Variants in ITPR2 observed in about 807,000 individuals in gnomAD.
The protein encoded by ITPR2 is inositol 1,4,5-trisphosphate-gated calcium channel ITPR2.
In ITPR2, 207 loss-of-function variants were observed where a neutral mutation model predicts 317.1. The observed-to-expected ratio is 0.65, with a 90% CI of 0.58 to 0.73. The LOEUF is 0.73. Among genes scored for constraint, ITPR2 ranks in the 30% least tolerant of loss-of-function variants. The pLI is 0.00. For missense variants in ITPR2, 2,613 were observed against 3,284.0 expected (o/e 0.80, Z 4.99); for synonymous variants, 1,156 against 1,149.1 (o/e 1.01, Z -0.12).
intron 53 of ITPR2, among the ~76,000 whole-genome samples, chr12:26,399,303 T>C (rs1203171013): frequency 6.6e-6 from 1 of 152,222 alleles, no homozygotes; most frequent in African/African-American, 2.4e-5. Flanking sequence ...GAAAGGACTT[T>C]ATTATGCCAT....
intron 55 of ITPR2, among the ~76,000 whole-genome samples, chr12:26,374,011 T>C (rs561854530): frequency 4.8e-4 from 73 of 152,322 alleles, no homozygotes; most frequent in Non-Finnish European, 9.1e-4. Flanking sequence ...TGACTCAGAA[T>C]TAGCTCCTAC....
At chr12:26,622,831 A>G (rs1462408883) in intron 24 of ITPR2, among the ~76,000 whole-genome samples, 1 of 152,220 alleles carries the variant, frequency 6.6e-6, no homozygotes, top group Non-Finnish European at 1.5e-5. Flanking sequence ...GCCAGCGCAC[A>G]TGTGCGTGAA....
At chr12:26,588,913 A>AT (rs1268483906) in intron 32 of ITPR2, among the ~76,000 whole-genome samples, 2 of 152,224 alleles carry the variant, frequency 1.3e-5, no homozygotes, top group Non-Finnish European at 2.9e-5. Flanking sequence ...TGATAGCAAA[A>AT]TTGGAAACAT....
At chr12:26,544,771 A>G (rs1038691525) in intron 37 of ITPR2, among the ~76,000 whole-genome samples, 4 of 152,068 alleles carry the variant, frequency 2.6e-5, no homozygotes, top group African/African-American at 9.7e-5. Context: ...TTCTGTTTTG[A>G]TTTAATTCTG....
chr12:26,579,882 C>A, intron 33 of ITPR2, 145 bp downstream of exon 33: 1 of 534,338 alleles, frequency 1.9e-6, no homozygotes, highest in Non-Finnish European at 3.1e-6. Context: ...GTTTGGTAAA[C>A]TCAGAAAGAG....
chr12:26,401,167 T>C (rs1299105705), intron 52 of ITPR2, among the ~76,000 whole-genome samples: 2 of 152,046 alleles, frequency 1.3e-5, no homozygotes, highest in Non-Finnish European at 2.9e-5. Flanking sequence ...AGGTAGAGAT[T>C]GCAGTGAGCC....
At chr12:26,661,289 T>TGGGGGGG (rs1180113264) in intron 15 of ITPR2, among the ~76,000 whole-genome samples, 1 of 9,498 alleles carries the variant, frequency 1.1e-4, no homozygotes, top group Non-Finnish European at 2.0e-4. Context: ...GGGGGGGGGG[T>TGGGGGGG]GGGAGGGAAC....
intron 26 of ITPR2, among the ~76,000 whole-genome samples, chr12:26,616,836 T>TG (rs1306267837): frequency 5.9e-5 from 9 of 152,194 alleles, no homozygotes; most frequent in Non-Finnish European, 1.3e-4. Flanking sequence ...CTCCTCCTCC[T>TG]GAATCTACTC....
intron 55 of ITPR2, among the ~76,000 whole-genome samples, chr12:26,352,675 A>G (rs551207215): frequency 3.3e-5 from 5 of 152,382 alleles, no homozygotes; most frequent in African/African-American, 1.2e-4. Context: ...CACACTTGAC[A>G]GACAACAGTT....
At chr12:26,433,333 C>A (rs1382906822) in intron 48 of ITPR2, among the ~76,000 whole-genome samples, 1 of 152,150 alleles carries the variant, frequency 6.6e-6, no homozygotes, top group African/African-American at 2.4e-5. Context: ...TCTGCATCTG[C>A]ACCTGATGAT....
At chr12:26,409,035 GT>G (rs1040853908) in intron 52 of ITPR2, among the ~76,000 whole-genome samples, 1 of 152,094 alleles carries the variant, frequency 6.6e-6, no homozygotes, top group Non-Finnish European at 1.5e-5. Context: ...CTATGTTCAA[GT>G]TTTCAAAATG....
Position 26,771,779 on chromosome 12 carries a change from C to T in ITPR2, c.163+18378G>A, listed in dbSNP as rs146095069. On this transcript the variant is annotated intron_variant, in intron 2 of 56. Coordinates refer to ENST00000381340, the MANE Select transcript of ITPR2 (RefSeq NM_002223.4). ...CCGCCCATCTTGGCCTCCCAAAGTG[C>T]TGGGATTACAGGCATAAGCCACCGT... Among the ~76,000 whole-genome samples the T allele has an allele frequency of 1.5e-4, 23 of 152,230 alleles. 1 individual carries two copies. The East Asian group carries it at 4.4e-3, about 29-fold the overall frequency.
At chr12:26,484,151 A>ATATATGTATATATACATATATGTG (rs765460544) in intron 41 of ITPR2, among the ~76,000 whole-genome samples, 8,597 of 150,402 alleles carry the variant, frequency 0.057, 372 homozygotes, top group Non-Finnish European at 0.083. Flanking sequence ...GTATATATGT[A>ATATATGTATATATACATATATGTG]TATATGTATA....
intron 23 of ITPR2, among the ~76,000 whole-genome samples, chr12:26,625,843 G>C (rs181827528): frequency 6.6e-6 from 1 of 151,924 alleles, no homozygotes; most frequent in African/African-American, 2.4e-5. Context: ...CTAAAATTCC[G>C]TCCCTTTTTC....
intron 1 of ITPR2, among the ~76,000 whole-genome samples, chr12:26,811,664 G>C (rs1230448542): frequency 1.3e-5 from 2 of 149,542 alleles, no homozygotes; most frequent in Non-Finnish European, 3.0e-5. Context: ...TCCAGCCTGG[G>C]GGACAGCGAG....
intron 39 of ITPR2, among the ~76,000 whole-genome samples, chr12:26,490,357 T>C (rs1171694640): frequency 6.6e-6 from 1 of 152,204 alleles, no homozygotes; most frequent in Admixed American, 6.5e-5. Context: ...AGAATTTAAT[T>C]AGGACCATTC....
At chr12:26,613,167 G>A (rs909091113) in intron 26 of ITPR2, among the ~76,000 whole-genome samples, 7 of 152,114 alleles carry the variant, frequency 4.6e-5, no homozygotes, top group East Asian at 3.8e-4. Flanking sequence ...TGAAAACAAC[G>A]GGACTGAAAT....
At chr12:26,641,189 T>C (rs1044567662) in intron 21 of ITPR2, among the ~76,000 whole-genome samples, 5 of 152,084 alleles carry the variant, frequency 3.3e-5, no homozygotes, top group Non-Finnish European at 7.4e-5. Flanking sequence ...AATTGAAACT[T>C]TTCTGAGACA....
At position 26,831,712 on chromosome 12, in the gene ITPR2, A is replaced by G. The variant is rs1050049867; in HGVS notation, c.92+978T>C. On this transcript the variant is annotated intron_variant, in intron 1 of 56. Transcript: ENST00000381340. The surrounding 1 kb of genome is among the most constrained non-coding windows in gnomAD (Gnocchi z 4.9). ...TATATATTCTACATAAAATATATAA[A>G]TATATATTCTACATAAAATATATAA... 1.5e-5 allele frequency among the ~76,000 whole-genome samples: 2 copies of G among 136,104 alleles called. No individual in the cohort carries two copies. The highest frequency in any genetic ancestry group is 1.6e-5 in the Non-Finnish European group (1 of 62,326). The allele number at this position is 136,104 out of a possible 152,430, so 89.3% of individuals were successfully genotyped here.
Sources: allele counts gnomAD v4.1 joint callset (sites outside exome capture counted in the v4.1 genomes callset), GRCh38; gene constraint gnomAD v4.1.1; non-coding constraint Gnocchi (gnomAD v3.1); transcripts MANE v1.5; gene names NCBI Gene and HGNC (gene_info 2026-07-23, HGNC 2026-07-21).